Variants in SPOUT1 observed in about 807,000 individuals in gnomAD.
SPOUT1 encodes 28S rRNA (uridine-N(3))-methyltransferase.
Under a neutral mutation model 54.8 loss-of-function variants are expected in SPOUT1, and 40 were observed. That is an observed-to-expected ratio of 0.73 (90% CI 0.57 to 0.95). The LOEUF is 0.95. Among genes scored for constraint, SPOUT1 ranks in the 40% least tolerant of loss-of-function variants. SPOUT1 has a pLI of 0.00. For synonymous variants in SPOUT1, 193 were observed against 200.3 expected (o/e 0.96, Z 0.31); for missense variants, 437 against 499.5 (o/e 0.87, Z 1.19).
rs1830253610 is a variant in SPOUT1 at position 128,826,970 on chromosome 9, G to C, written c.368+62C>G. 6.5e-7 allele frequency: 1 copy of C among 1,537,004 alleles called. No individual in the cohort carries two copies. Among genetic ancestry groups the C allele is most frequent in the Non-Finnish European group, 8.9e-7 (1 of 1,121,156 alleles). On this transcript the variant is annotated intron_variant, in intron 4 of 11. Transcript: ENST00000361256. The surrounding 1 kb of genome is among the most constrained non-coding windows in gnomAD (Gnocchi z 5.5). ...GTGGACGGGGCCATGGTGAAGCCTC[G>C]GCCCATCCCGGCAGCCCCTCCCTCT...
At chr9:128,828,682 A>C in intron 3 of SPOUT1, 53 bp downstream of exon 3, 1 of 1,601,568 alleles carries the variant, frequency 6.2e-7, no homozygotes, top group East Asian at 2.2e-5. Context: ...CTCTGCCTGC[A>C]GGACAACTAC....
intron 3 of SPOUT1, among the ~76,000 whole-genome samples, chr9:128,827,689 G>A (rs963885926): frequency 6.6e-6 from 1 of 152,216 alleles, no homozygotes; most frequent in African/African-American, 2.4e-5. Flanking sequence ...AGGCCAAGGC[G>A]GGCGGATCAC....
At chr9:128,828,983 G>A (rs943058808) in intron 2 of SPOUT1, 123 bp from the exon 3 acceptor site, 12 of 1,507,062 alleles carry the variant, frequency 8.0e-6, no homozygotes, top group Admixed American at 5.0e-5. Context: ...CAGGGCTCCC[G>A]GCCCCTGCCT....
rs745548051 is a variant in SPOUT1 at position 128,824,979 on chromosome 9, G to C, written c.710C>G (p.Pro237Arg). 4 of 1,598,058 alleles carry C rather than the reference G, an allele frequency of 2.5e-6. No individual in the cohort carries two copies. The highest frequency in any genetic ancestry group is 3.4e-6 in the Non-Finnish European group (4 of 1,171,596). ...VTVRLNQQQHPDCKTYHGKVV... is the reference protein window; with the variant it reads ...VTVRLNQQQHRDCKTYHGKVV... ...GGGTTGGGGAACCTTCCAGATACCT[G>C]GGTGCTGCTGCTGGTTCAGTCGCAC... The change falls in exon 8 of 12, where the codon CCA (proline) becomes CGA (arginine). Residue 237 changes from proline to arginine, a missense_variant and splice_region_variant. Coordinates refer to ENST00000361256, the MANE Select transcript of SPOUT1 (RefSeq NM_016390.4).
chr9:128,822,090 G>A lies in SPOUT1; in HGVS notation c.*675C>T, dbSNP rs181223929. On this transcript the variant is annotated 3_prime_UTR_variant, in exon 12 of 12. Transcript: ENST00000361256. Reference sequence around the variant, plus strand: ...CTCGATTCTCCTAGCAGCGTTTATTGTCGCCCACTCTGCCTGACCCAGTGT... The same window carrying A: ...CTCGATTCTCCTAGCAGCGTTTATTATCGCCCACTCTGCCTGACCCAGTGT... 2 of 575,122 alleles carry A rather than the reference G, an allele frequency of 3.5e-6. No homozygotes were observed. Among genetic ancestry groups the A allele is most frequent in the Admixed American group, 6.1e-5 (2 of 32,902 alleles). The allele number at this position is 575,122 out of a possible 1,614,324, so 35.6% of individuals were successfully genotyped here. A position where few individuals can be genotyped will look rare whatever the true frequency, so the allele number is the denominator to read the frequency against.
chr9:128,821,966 A>G lies in SPOUT1; in HGVS notation c.*799T>C, dbSNP rs2977995. ...CTGGCACCTGTGCTGGTGCTGGGAT[A>G]TCACCTGTCATGGTCCTTGCCCACT... On this transcript the variant is annotated 3_prime_UTR_variant, in exon 12 of 12. Coordinates refer to ENST00000361256, the MANE Select transcript of SPOUT1 (RefSeq NM_016390.4). 166,786 of 249,136 alleles carry G rather than the reference A, an allele frequency of 0.67. 59,214 individuals are homozygous for G. Among genetic ancestry groups the G allele is most frequent in the Admixed American group, 0.76 (15,140 of 19,916 alleles). The allele number at this position is 249,136 out of a possible 1,614,324, so 15.4% of individuals were successfully genotyped here.
Position 128,820,722 on chromosome 9 carries a change from C to T in SPOUT1, c.*2043G>A. 1 of 1,596,426 alleles carries T rather than the reference C, an allele frequency of 6.3e-7. No individual in the cohort carries two copies. Among genetic ancestry groups the T allele is most frequent in the Non-Finnish European group, 8.5e-7 (1 of 1,169,742 alleles). ...GGTCCCAGCCACAGTCCTGCTAAGC[C>T]CTATCTCTCCTACCAGGTGCCCCAC... On this transcript the variant is annotated 3_prime_UTR_variant, in exon 12 of 12. Coordinates refer to ENST00000361256, the MANE Select transcript of SPOUT1 (RefSeq NM_016390.4).
At position 128,826,973 on chromosome 9, in the gene SPOUT1, C is replaced by T; in HGVS notation, c.368+59G>A. 6.4e-7 allele frequency: 1 copy of T among 1,557,480 alleles called. No homozygotes were observed. Among genetic ancestry groups the T allele is most frequent in the Admixed American group, 1.7e-5 (1 of 58,692 alleles). ...GACGGGGCCATGGTGAAGCCTCGGCCCATCCCGGCAGCCCCTCCCTCTCCC... is the reference window on the plus strand; with the variant it reads ...GACGGGGCCATGGTGAAGCCTCGGCTCATCCCGGCAGCCCCTCCCTCTCCC... On this transcript the variant is annotated intron_variant, in intron 4 of 11. Coordinates refer to ENST00000361256, the MANE Select transcript of SPOUT1 (RefSeq NM_016390.4). The surrounding 1 kb of genome is among the most constrained non-coding windows in gnomAD (Gnocchi z 5.5).
chr9:128,828,462 C>T (rs1214891936), intron 3 of SPOUT1, among the ~76,000 whole-genome samples: 3 of 149,924 alleles, frequency 2.0e-5, no homozygotes, highest in East Asian at 2.0e-4. Context: ...CGCCGTTGCA[C>T]TCCAGCCTGG....
At chr9:128,827,725 C>A (rs1021516472) in intron 3 of SPOUT1, among the ~76,000 whole-genome samples, 1 of 152,220 alleles carries the variant, frequency 6.6e-6, no homozygotes, top group Non-Finnish European at 1.5e-5. Context: ...AGTTCAAGAC[C>A]AGCCTGGCCA....
At position 128,826,259 on chromosome 9, in the gene SPOUT1, T is replaced by G; in HGVS notation, c.509-107A>C. ...TCTGCCACAGACCTGCGTCTTGGCA[T>G]CAGACACAGGTCTTGCTCTCCCAGG... On this transcript the variant is annotated intron_variant, in intron 6 of 11. Coordinates refer to ENST00000361256, the MANE Select transcript of SPOUT1 (RefSeq NM_016390.4). The surrounding 1 kb of genome is among the most constrained non-coding windows in gnomAD (Gnocchi z 5.5). The G allele has an allele frequency of 1.3e-6, 2 of 1,544,036 alleles. No individual in the cohort carries two copies. Among genetic ancestry groups the G allele is most frequent in the Non-Finnish European group, 1.8e-6 (2 of 1,122,676 alleles).
At position 128,822,093 on chromosome 9, in the gene SPOUT1, G is replaced by A. The variant is rs1220493152; in HGVS notation, c.*672C>T. The A allele has an allele frequency of 1.2e-5, 7 of 576,064 alleles. No homozygotes were observed. The highest frequency in any genetic ancestry group is 4.2e-5 in the South Asian group (2 of 48,152). 35.7% of individuals were successfully genotyped at this position (576,064 alleles called of 1,614,324 possible). A position where few individuals can be genotyped will look rare whatever the true frequency, so the allele number is the denominator to read the frequency against. On this transcript the variant is annotated 3_prime_UTR_variant, in exon 12 of 12. Coordinates refer to ENST00000361256, the MANE Select transcript of SPOUT1 (RefSeq NM_016390.4). ...GATTCTCCTAGCAGCGTTTATTGTC[G>A]CCCACTCTGCCTGACCCAGTGTTGG... is the stretch of plus-strand genomic sequence containing the variant.
At chr9:128,825,854 A>G in intron 7 of SPOUT1, 168 bp downstream of exon 7, 1 of 755,938 alleles carries the variant, frequency 1.3e-6, no homozygotes, top group Non-Finnish European at 2.2e-6. Context: ...CAGTAAATTC[A>G]TTCCTGGCTT....
At chr9:128,825,957 C>G in intron 7 of SPOUT1, 65 bp downstream of exon 7, 2 of 1,606,776 alleles carry the variant, frequency 1.2e-6, no homozygotes, top group Non-Finnish European at 1.7e-6. Flanking sequence ...CAACATCCAT[C>G]TGCTTGCCCT....
At position 128,822,165 on chromosome 9, in the gene SPOUT1, C is replaced by G. The variant is rs565356928; in HGVS notation, c.*600G>C. On this transcript the variant is annotated 3_prime_UTR_variant, in exon 12 of 12. Coordinates refer to ENST00000361256, the MANE Select transcript of SPOUT1 (RefSeq NM_016390.4). ...AGAGTTAACCACCCTGGAGAGAGTTCCAGCCTCAAGGAGGAGCCAGGCAGG... is the reference window on the plus strand; with the variant it reads ...AGAGTTAACCACCCTGGAGAGAGTTGCAGCCTCAAGGAGGAGCCAGGCAGG... 3.8e-6 allele frequency: 3 copies of G among 792,528 alleles called. No individual in the cohort carries two copies. The highest frequency in any genetic ancestry group is 5.9e-6 in the Non-Finnish European group (3 of 510,888). The allele number at this position is 792,528 out of a possible 1,614,324, so 49.1% of individuals were successfully genotyped here. A position where few individuals can be genotyped will look rare whatever the true frequency, so the allele number is the denominator to read the frequency against.
Position 128,829,776 on chromosome 9 carries a change from G to A in SPOUT1, c.5C>T (p.Ala2Val), listed in dbSNP as rs751489073. The part of the protein sequence containing the change: M[A>V]ERGRKRPCGP... ...GCACGGCCGCTTCCTGCCGCGCTCC[G>A]CCATGTTCCGCACACACCGTCGGTC... Residue 2 changes from alanine (A) to valine (V), a missense_variant, in exon 1 of 12, where the codon GCG becomes GTG. Ala to Val is a moderately conservative substitution (Grantham distance 64). Coordinates refer to ENST00000361256, the MANE Select transcript of SPOUT1 (RefSeq NM_016390.4). The A allele has an allele frequency of 1.2e-6, 2 of 1,601,670 alleles. No homozygotes were observed. The highest frequency in any genetic ancestry group is 4.5e-5 in the East Asian group (2 of 44,302).
At position 128,822,165 on chromosome 9, in the gene SPOUT1, C is replaced by A. The variant is rs565356928; in HGVS notation, c.*600G>T. The A allele has an allele frequency of 1.4e-4, 111 of 792,526 alleles. No homozygotes were observed. Among genetic ancestry groups the A allele is most frequent in the Middle Eastern group, 3.7e-4 (1 of 2,670 alleles). 49.1% of individuals were successfully genotyped at this position (792,526 alleles called of 1,614,324 possible). A position where few individuals can be genotyped will look rare whatever the true frequency, so the allele number is the denominator to read the frequency against. Reference sequence around the variant, plus strand: ...AGAGTTAACCACCCTGGAGAGAGTTCCAGCCTCAAGGAGGAGCCAGGCAGG... The same window carrying A: ...AGAGTTAACCACCCTGGAGAGAGTTACAGCCTCAAGGAGGAGCCAGGCAGG... On this transcript the variant is annotated 3_prime_UTR_variant, in exon 12 of 12. Transcript: ENST00000361256.
rs552640647 is a variant in SPOUT1, at chr9:128,827,147, C to T, written c.253G>A (p.Asp85Asn). The change falls in exon 4 of 12, where the codon GAC (aspartate) becomes AAC (asparagine). Residue 85 changes from aspartate (D) to asparagine (N), a missense_variant. By Grantham distance (23) the Asp-to-Asn change is conservative. Coordinates refer to ENST00000361256, the MANE Select transcript of SPOUT1 (RefSeq NM_016390.4). ...CGAAGCTCCGGCGACTGAGCATTGTCCAGGATGGAGCCCGGCAGGGCTACG... is the reference window on the plus strand; with the variant it reads ...CGAAGCTCCGGCGACTGAGCATTGTTCAGGATGGAGCCCGGCAGGGCTACG... Reference protein sequence around the residue: ...LSVALPGSILDNAQSPELRTY... With the variant: ...LSVALPGSILNNAQSPELRTY... 187 of 1,613,976 alleles carry T rather than the reference C, an allele frequency of 1.2e-4. 2 individuals are homozygous for T. The South Asian group carries it at 1.9e-3, about 16-fold the overall frequency.
intron 3 of SPOUT1, among the ~76,000 whole-genome samples, chr9:128,827,464 A>G (rs1416124086): frequency 2.0e-5 from 3 of 152,260 alleles, no homozygotes; most frequent in Non-Finnish European, 4.4e-5. Context: ...TTACTGCCTC[A>G]GTTCTCCAGC....
Sources: allele counts gnomAD v4.1 joint callset (sites outside exome capture counted in the v4.1 genomes callset), GRCh38; gene constraint gnomAD v4.1.1; non-coding constraint Gnocchi (gnomAD v3.1); transcripts MANE v1.5; gene names NCBI Gene and HGNC (gene_info 2026-07-23, HGNC 2026-07-21).